Variants in CRACDL observed in about 807,000 individuals in gnomAD.
CRACDL encodes CRACD-like protein.
CRACDL carries 26 observed loss-of-function variants against 70.6 expected under a neutral mutation model. That is an observed-to-expected ratio of 0.37 (90% CI 0.27 to 0.51). The LOEUF (loss-of-function observed/expected upper bound fraction) is 0.51, where lower values mean the gene tolerates loss of function less well. Among genes scored for constraint, CRACDL ranks in the 20% least tolerant of loss-of-function variants. CRACDL has a pLI of 0.94. For synonymous variants in CRACDL, 618 were observed against 615.2 expected, an observed-to-expected ratio of 1.00 and a Z score of -0.07; for missense variants, 1,283 against 1,376.9, an observed-to-expected ratio of 0.93 and a Z score of 1.08.
intron 2 of CRACDL, among the ~76,000 whole-genome samples, chr2:98,839,769 A>G (rs1299826236): frequency 6.6e-6 from 1 of 152,148 alleles, no homozygotes; most frequent in African/African-American, 2.4e-5. Flanking sequence ...CTGAAAATGT[A>G]TTTTTTCCAA....
In CRACDL at chr2:98,855,202, C is replaced by A. The variant is rs183993105; in HGVS notation, c.-10-8392G>T. On this transcript the variant is annotated intron_variant, in intron 1 of 9. Transcript: ENST00000397899. ...GGCTGAGGCAAGAGAATTGCTTGAA[C>A]TGGGACTTGGGAGGCAGAAGTTAGG... Among the ~76,000 whole-genome samples, 44 of 151,776 alleles carry A rather than the reference C, an allele frequency of 2.9e-4. No homozygotes were observed. The East Asian group carries it at 8.0e-3, about 28-fold the overall frequency.
At chr2:98,804,222 G>A (rs1218429918) in intron 7 of CRACDL, among the ~76,000 whole-genome samples, 1 of 152,138 alleles carries the variant, frequency 6.6e-6, no homozygotes, top group East Asian at 1.9e-4. Flanking sequence ...AGCTTTTCAG[G>A]GCAGGCCCCC....
intron 1 of CRACDL, among the ~76,000 whole-genome samples, chr2:98,876,919 T>C (rs1228117747): frequency 2.0e-5 from 3 of 152,224 alleles, no homozygotes; most frequent in Non-Finnish European, 1.5e-5. Flanking sequence ...TACTGTCTAA[T>C]GGGATTAGTA....
chr2:98,802,814 G>A (rs116085727), intron 7 of CRACDL, among the ~76,000 whole-genome samples: 1,669 of 152,302 alleles, frequency 0.011, 19 homozygotes, highest in Admixed American at 0.017. Context: ...ACGAGTTGTC[G>A]TACAATGTAA....
At chr2:98,872,187 G>A (rs1301385195) in intron 1 of CRACDL, among the ~76,000 whole-genome samples, 1 of 151,880 alleles carries the variant, frequency 6.6e-6, no homozygotes. Flanking sequence ...GGCCAACACC[G>A]TCTCCACTAA....
chr2:98,895,791 T>C (rs955153198), intron 1 of CRACDL, among the ~76,000 whole-genome samples: 2 of 152,116 alleles, frequency 1.3e-5, no homozygotes, highest in Non-Finnish European at 2.9e-5. Flanking sequence ...AATTCGTGTG[T>C]TGAAATCTTA....
In CRACDL at chr2:98,809,192, G is replaced by A. The variant is rs548515542; in HGVS notation, c.2417-11655C>T. Among the ~76,000 whole-genome samples, 30 of 152,262 alleles carry A rather than the reference G, an allele frequency of 2.0e-4. No homozygotes were observed. The East Asian group carries it at 4.8e-3, about 25-fold the overall frequency. On this transcript the variant is annotated intron_variant, in intron 7 of 9. Coordinates refer to ENST00000397899, the MANE Select transcript of CRACDL (RefSeq NM_207362.3). ...GAGTTGGGGCGGAGACTCCTTTCCC[G>A]AGGGCTGAGAGCTGGGGAAGAAGGA...
chr2:98,909,963 T>C (rs2104672793), intron 1 of CRACDL, among the ~76,000 whole-genome samples: 1 of 152,238 alleles, frequency 6.6e-6, no homozygotes, highest in Middle Eastern at 3.4e-3. Flanking sequence ...ATGGCTGCAT[T>C]TTGCCCCGAT....
chr2:98,858,163 A>G (rs1008943499), intron 1 of CRACDL, among the ~76,000 whole-genome samples: 1 of 152,218 alleles, frequency 6.6e-6, no homozygotes, highest in African/African-American at 2.4e-5. Flanking sequence ...TGTGATGCAG[A>G]TAAAACACTG....
Position 98,817,159 on chromosome 2 carries a change from T to A in CRACDL, c.2416+4698A>T, listed in dbSNP as rs143323076. Among the ~76,000 whole-genome samples, 8 of 152,158 alleles carry A rather than the reference T, an allele frequency of 5.3e-5. No homozygotes were observed. In the East Asian group the frequency reaches 1.5e-3, roughly 29 times the overall value. On this transcript the variant is annotated intron_variant, in intron 7 of 9. Transcript: ENST00000397899. ...GTGAAATCTAAAATAGTCAAATTCA[T>A]ACAATTGAAGAGCGGAAAGGTGGTC...
At chr2:98,820,526 G>C (rs1355266518) in intron 7 of CRACDL, among the ~76,000 whole-genome samples, 4 of 152,078 alleles carry the variant, frequency 2.6e-5, no homozygotes, top group Admixed American at 2.6e-4. Flanking sequence ...AGAGTGAGAC[G>C]GAGTCTCAAA....
At chr2:98,821,575 G>A (rs1705029760) in intron 7 of CRACDL, among the ~76,000 whole-genome samples, 1 of 152,164 alleles carries the variant, frequency 6.6e-6, no homozygotes, top group Non-Finnish European at 1.5e-5. Flanking sequence ...ACTAAACTAA[G>A]GACAGCTGAT....
intron 7 of CRACDL, among the ~76,000 whole-genome samples, chr2:98,800,216 G>A (rs901006467): frequency 3.9e-5 from 6 of 152,178 alleles, no homozygotes; most frequent in Admixed American, 2.0e-4. Context: ...AGTAACTGTG[G>A]TAGAAACTGG....
At chr2:98,866,374 G>A (rs1184171531) in intron 1 of CRACDL, among the ~76,000 whole-genome samples, 1 of 151,504 alleles carries the variant, frequency 6.6e-6, no homozygotes. Context: ...CAGCTGCATG[G>A]TAGTGCTCAA....
chr2:98,855,670 A>G (rs1706671591), intron 1 of CRACDL, among the ~76,000 whole-genome samples: 1 of 152,242 alleles, frequency 6.6e-6, no homozygotes, highest in African/African-American at 2.4e-5. Flanking sequence ...TGAACTCCTC[A>G]GACAAAACCT....
intron 1 of CRACDL, among the ~76,000 whole-genome samples, chr2:98,868,344 C>A (rs895550701): frequency 6.7e-6 from 1 of 149,380 alleles, no homozygotes; most frequent in Non-Finnish European, 1.5e-5. Context: ...AAGTGATGTG[C>A]GGATATAACC....
Position 98,822,506 on chromosome 2 carries a change from G to A in CRACDL, c.1767C>T (p.Arg589=), listed in dbSNP as rs1243768091. 4 of 1,458,068 alleles carry A rather than the reference G, an allele frequency of 2.7e-6. No homozygotes were observed. The highest frequency in any genetic ancestry group is 3.0e-5 in the African/African-American group (2 of 67,186). The allele number at this position is 1,458,068 out of a possible 1,614,324, so 90.3% of individuals were successfully genotyped here. A position where few individuals can be genotyped will look rare whatever the true frequency, so the allele number is the denominator to read the frequency against. The change falls in exon 7 of 10, where the codon CGC becomes CGT. Residue 589 remains arginine, a synonymous_variant. Transcript: ENST00000397899. This position sits in a 1 kb window ranked among gnomAD's most constrained non-coding sequence, Gnocchi z 4.9. The part of the protein sequence containing the change: ...CRARPRPGVS[R]PLERASGRLP... Reference sequence around the variant, plus strand: ...GGCGGCCGCTGGCCCGTTCCAGCGGGCGGGAGACGCCCGGACGAGGCCGCG... The same window carrying A: ...GGCGGCCGCTGGCCCGTTCCAGCGGACGGGAGACGCCCGGACGAGGCCGCG...
At chr2:98,921,956 T>C (rs1341804948) in intron 1 of CRACDL, among the ~76,000 whole-genome samples, 1 of 152,186 alleles carries the variant, frequency 6.6e-6, no homozygotes, top group Non-Finnish European at 1.5e-5. Context: ...TGCCCCTTGC[T>C]CCACTTAAAA....
At chr2:98,903,605 A>G (rs1219825933) in intron 1 of CRACDL, among the ~76,000 whole-genome samples, 1 of 152,212 alleles carries the variant, frequency 6.6e-6, no homozygotes, top group Non-Finnish European at 1.5e-5. Flanking sequence ...GATGATTTAA[A>G]CTACTGCAAA....
Sources: allele counts gnomAD v4.1 joint callset (sites outside exome capture counted in the v4.1 genomes callset), GRCh38; gene constraint gnomAD v4.1.1; non-coding constraint Gnocchi (gnomAD v3.1); transcripts MANE v1.5; gene names NCBI Gene and HGNC (gene_info 2026-07-23, HGNC 2026-07-21).